The following PTPRE variants were observed in gnomAD, a reference collection of about 807,000 sequenced individuals.
The protein encoded by PTPRE is receptor-type tyrosine-protein phosphatase epsilon.
A neutral mutation model predicts 102.0 loss-of-function variants in PTPRE; 51 were observed. The observed-to-expected ratio is 0.50, with a 90% CI of 0.40 to 0.63. The LOEUF (loss-of-function observed/expected upper bound fraction) is 0.63, where lower values mean the gene tolerates loss of function less well. Ranked by LOEUF, PTPRE falls within the 30% of genes least tolerant of loss-of-function variation. The pLI, the probability that PTPRE is intolerant of heterozygous loss-of-function variation, is 0.00. For missense variants in PTPRE, 752 were observed against 915.1 expected (o/e 0.82, Z 2.30); for synonymous variants, 345 against 348.2 (o/e 0.99, Z 0.10).
At chr10:128,007,273 AT>A (rs1174826268) in intron 2 of PTPRE, among the ~76,000 whole-genome samples, 1 of 152,194 alleles carries the variant, frequency 6.6e-6, no homozygotes, top group Admixed American at 6.5e-5. Context: ...TGGCTAGTTC[AT>A]TCACTCCTTG....
intron 2 of PTPRE, among the ~76,000 whole-genome samples, chr10:128,007,128 G>A (rs1239947464): frequency 5.3e-5 from 8 of 152,026 alleles, no homozygotes; most frequent in Non-Finnish European, 1.2e-4. Flanking sequence ...AACCAAGCAA[G>A]GGGTTCTCTC....
chr10:127,971,748 C>G (rs930547082), intron 1 of PTPRE, among the ~76,000 whole-genome samples: 7 of 152,322 alleles, frequency 4.6e-5, no homozygotes, highest in African/African-American at 1.4e-4. Context: ...GAAGAAGACT[C>G]TTAACTCTCC....
At position 128,008,361 on chromosome 10, in the gene PTPRE, T is replaced by A. The variant is rs1378260068; in HGVS notation, c.-8+26065T>A. Among the ~76,000 whole-genome samples the A allele has an allele frequency of 6.6e-6, 1 of 151,760 alleles. No individual in the cohort carries two copies. The highest frequency in any genetic ancestry group is 1.5e-5 in the Non-Finnish European group (1 of 67,990). ...GGAGCTTCTGGAAGGTGAGATAAAG[T>A]CCCTGGGATGCCAAGCTCTCTCTGG... On this transcript the variant is annotated intron_variant, in intron 2 of 20. Coordinates refer to ENST00000254667, the MANE Select transcript of PTPRE (RefSeq NM_006504.6). The surrounding 1 kb of genome is among the most constrained non-coding windows in gnomAD (Gnocchi z 4.0).
rs903501650 is a variant in PTPRE, at chr10:128,000,008, G to C, written c.-8+17712G>C. The C allele has an allele frequency of 5.0e-5, 49 of 972,228 alleles. No homozygotes were observed. In the African/African-American group the frequency reaches 7.7e-4, roughly 15 times the overall value. The allele number at this position is 972,228 out of a possible 1,614,324, so 60.2% of individuals were successfully genotyped here. ...GCGCAGACGCGGAAAGGGATCCCCA[G>C]AATGTTCCTTCTGTTGCTGGTTTAG... On this transcript the variant is annotated intron_variant, in intron 2 of 20. Transcript: ENST00000254667.
chr10:127,924,364 T>A (rs1237187046), intron 1 of PTPRE, among the ~76,000 whole-genome samples: 1 of 152,128 alleles, frequency 6.6e-6, no homozygotes, highest in Non-Finnish European at 1.5e-5. Flanking sequence ...TAGCTGGGAC[T>A]ACAGGCGCCC....
At chr10:128,024,945 C>A (rs1180566554) in intron 2 of PTPRE, among the ~76,000 whole-genome samples, 1 of 151,840 alleles carries the variant, frequency 6.6e-6, no homozygotes. Flanking sequence ...CACCCGAGGC[C>A]AGGAGTTTGG....
At chr10:128,068,007 C>G in intron 11 of PTPRE, 116 bp from the exon 12 acceptor site, 1 of 1,199,106 alleles carries the variant, frequency 8.3e-7, no homozygotes, top group South Asian at 1.4e-5. Flanking sequence ...TGGATGGGCC[C>G]CTCCCCTACG....
At chr10:127,916,078 A>T (rs1488377875) in intron 1 of PTPRE, among the ~76,000 whole-genome samples, 1 of 151,146 alleles carries the variant, frequency 6.6e-6, no homozygotes, top group Non-Finnish European at 1.5e-5. Flanking sequence ...ACTTCCAGGG[A>T]GTGTTAAATG....
chr10:128,031,565 C>T (rs539811445), intron 2 of PTPRE, among the ~76,000 whole-genome samples: 7 of 152,318 alleles, frequency 4.6e-5, no homozygotes, highest in South Asian at 2.1e-4. Flanking sequence ...ATGTTTCCCA[C>T]GACCCTGCCA....
rs1851857120 is a variant in PTPRE, at chr10:128,083,052, T to C, written c.*146T>C. On this transcript the variant is annotated 3_prime_UTR_variant, in exon 21 of 21. Coordinates refer to ENST00000254667, the MANE Select transcript of PTPRE (RefSeq NM_006504.6). ...GCCTTAAAGGCCACCTGCTATACAG[T>C]TGTTAAATCTTAAATATGCTTTTTA... 5 of 652,702 alleles carry C rather than the reference T, an allele frequency of 7.7e-6. No individual in the cohort carries two copies. The highest frequency in any genetic ancestry group is 1.1e-5 in the Non-Finnish European group (5 of 442,906). The allele number at this position is 652,702 out of a possible 1,614,324, so 40.4% of individuals were successfully genotyped here.
At chr10:128,067,181 T>G (rs1564955521) in intron 11 of PTPRE, among the ~76,000 whole-genome samples, 1 of 113,568 alleles carries the variant, frequency 8.8e-6, no homozygotes, top group Non-Finnish European at 1.8e-5. Flanking sequence ...CATGCACACA[T>G]TCACACATGT....
At chr10:128,005,514 T>C (rs980179201) in intron 2 of PTPRE, among the ~76,000 whole-genome samples, 1 of 152,240 alleles carries the variant, frequency 6.6e-6, no homozygotes, top group African/African-American at 2.4e-5. Flanking sequence ...CTATTTATAC[T>C]AATGACAAAG....
chr10:128,031,365 T>C (rs1318292503), intron 2 of PTPRE, among the ~76,000 whole-genome samples: 1 of 152,126 alleles, frequency 6.6e-6, no homozygotes, highest in Admixed American at 6.5e-5. Flanking sequence ...GCTGCAGGCC[T>C]CAGCTCCGGG....
chr10:128,084,955 A>G lies in PTPRE; in HGVS notation c.*2049A>G, dbSNP rs972895042. On this transcript the variant is annotated 3_prime_UTR_variant, in exon 21 of 21. Transcript: ENST00000254667. ...GTATCAAGAAGTACCTTTAAGGTAGACCTTTTCAGGGTGCCCTCAGGAAAG... is the reference window on the plus strand; with the variant it reads ...GTATCAAGAAGTACCTTTAAGGTAGGCCTTTTCAGGGTGCCCTCAGGAAAG... The G allele has an allele frequency of 1.0e-4, 35 of 339,524 alleles. No individual in the cohort carries two copies. Among genetic ancestry groups the G allele is most frequent in the South Asian group, 6.9e-4 (31 of 44,670 alleles). The allele number at this position is 339,524 out of a possible 1,614,324, so 21.0% of individuals were successfully genotyped here.
chr10:127,952,071 C>A (rs1395660093), intron 1 of PTPRE, among the ~76,000 whole-genome samples: 1 of 152,186 alleles, frequency 6.6e-6, no homozygotes, highest in East Asian at 1.9e-4. Context: ...ACAAGGCTAG[C>A]AATATACCTT....
At chr10:127,985,302 G>A (rs955760435) in intron 2 of PTPRE, among the ~76,000 whole-genome samples, 107 of 152,386 alleles carry the variant, frequency 7.0e-4, no homozygotes, top group African/African-American at 2.3e-3. Context: ...CTAGCTATGG[G>A]CTGGGCGTGG....
intron 1 of PTPRE, among the ~76,000 whole-genome samples, chr10:127,908,449 G>T (rs1042794753): frequency 1.4e-4 from 22 of 152,178 alleles, no homozygotes; most frequent in Non-Finnish European, 2.6e-4. Context: ...GGTGGGGAGG[G>T]GGGGTGTGGA....
intron 11 of PTPRE, among the ~76,000 whole-genome samples, chr10:128,066,738 GATAC>G (rs1311625251): frequency 6.6e-6 from 1 of 152,218 alleles, no homozygotes; most frequent in East Asian, 1.9e-4. Flanking sequence ...AGGATTTAAA[GATAC>G]AGTCATTGGC....
chr10:127,946,767 C>T (rs906749714), intron 1 of PTPRE, among the ~76,000 whole-genome samples: 2 of 152,302 alleles, frequency 1.3e-5, no homozygotes, highest in South Asian at 4.1e-4. Flanking sequence ...GACACGGCAG[C>T]TCGTGTCTGT....
Sources: gnomAD v4.1 joint callset for allele counts (sites outside exome capture counted in the v4.1 genomes callset) on GRCh38, gnomAD v4.1.1 for gene constraint, Gnocchi (gnomAD v3.1) non-coding constraint, MANE v1.5 for transcripts, NCBI Gene and HGNC (gene_info 2026-07-23, HGNC 2026-07-21) for gene names.